ABCG1: variants seen among roughly 807,000 people sequenced by gnomAD.
ABCG1 encodes the protein ATP binding cassette subfamily G member 1.
ABCG1 carries 29 observed loss-of-function variants against 69.2 expected under a neutral mutation model. That is an observed-to-expected ratio of 0.42 (90% CI 0.31 to 0.57). The LOEUF (loss-of-function observed/expected upper bound fraction) is 0.57, where lower values mean the gene tolerates loss of function less well. Ranked by LOEUF, ABCG1 falls within the 20% of genes least tolerant of loss-of-function variation. ABCG1 has a pLI of 0.15. For missense variants in ABCG1, 718 were observed against 898.1 expected, an observed-to-expected ratio of 0.80 and a Z score of 2.56; for synonymous variants, 370 against 374.8, an observed-to-expected ratio of 0.99 and a Z score of 0.15.
chr21:42,291,095 C>A lies in ABCG1; in HGVS notation c.1397C>A (p.Pro466His), dbSNP rs147988618. 1.2e-6 allele frequency: 2 copies of A among 1,612,472 alleles called. No individual in the cohort carries two copies. Among genetic ancestry groups the A allele is most frequent in the Non-Finnish European group, 1.7e-6 (2 of 1,178,668 alleles). ...AALMPTVLTFPLEMGVFLREH... is the reference protein window; with the variant it reads ...AALMPTVLTFHLEMGVFLREH... Reference sequence around the variant, plus strand: ...TTTTTGCTTTTCTATCTCCTAGTTCCCCTGGAGATGGGAGTCTTTCTTCGG... The same window carrying A: ...TTTTTGCTTTTCTATCTCCTAGTTCACCTGGAGATGGGAGTCTTTCTTCGG... The change falls in exon 12 of 15, where the codon CCC becomes CAC. Residue 466 changes from proline (P) to histidine (H), a missense_variant. Pro to His is a moderately conservative substitution (Grantham distance 77). This residue lies in a region of ABCG1 where 204 missense variants were observed against 323.8 expected (regional missense o/e 0.63). Coordinates refer to ENST00000398449, the MANE Select transcript of ABCG1 (RefSeq NM_016818.3). This position sits in a 1 kb window ranked among gnomAD's most constrained non-coding sequence, Gnocchi z 6.4.
At chr21:42,256,028 A>G (rs1206274935) in intron 2 of ABCG1, 35 of 633,160 alleles carry the variant, frequency 5.5e-5, no homozygotes, top group Non-Finnish European at 4.3e-5. Context: ...AGTAGCAGCC[A>G]TTAGGGGGAG....
chr21:42,277,968 T>C (rs143220468), intron 5 of ABCG1, among the ~76,000 whole-genome samples: 180 of 152,330 alleles, frequency 1.2e-3, no homozygotes, highest in African/African-American at 4.2e-3. Context: ...CCCCATCAAC[T>C]GTGCCCTTCA....
chr21:42,235,483 C>T (rs1439283143), intron 2 of ABCG1, among the ~76,000 whole-genome samples: 1 of 152,184 alleles, frequency 6.6e-6, no homozygotes, highest in Non-Finnish European at 1.5e-5. Context: ...CAGGAGAACA[C>T]GTGCCCAAAG....
intron 2 of ABCG1, among the ~76,000 whole-genome samples, chr21:42,237,660 C>A (rs2067996838): frequency 1.3e-5 from 2 of 152,224 alleles, no homozygotes; most frequent in Admixed American, 6.5e-5. Flanking sequence ...AGAGCCTATA[C>A]TTTTACCCTC....
chr21:42,219,844 A>G lies in ABCG1; in HGVS notation c.42+540A>G, dbSNP rs2067692921. On this transcript the variant is annotated intron_variant, in intron 1 of 14. Coordinates refer to ENST00000398449, the MANE Select transcript of ABCG1 (RefSeq NM_016818.3). This position sits in a 1 kb window ranked among gnomAD's most constrained non-coding sequence, Gnocchi z 5.3. The stretch of plus-strand genomic sequence containing the variant: ...GGAGCCTGCGACTGCACTCCCGGGG[A>G]CACCCTCTCCCGGACCCACTCGGGG... 2.0e-6 allele frequency: 3 copies of G among 1,501,438 alleles called. No individual in the cohort carries two copies. Among genetic ancestry groups the G allele is most frequent in the Non-Finnish European group, 2.7e-6 (3 of 1,126,886 alleles). 93.0% of individuals were successfully genotyped at this position (1,501,438 alleles called of 1,614,324 possible).
chr21:42,280,291 A>G (rs1280571992), intron 5 of ABCG1, among the ~76,000 whole-genome samples: 1 of 152,218 alleles, frequency 6.6e-6, no homozygotes, highest in Admixed American at 6.5e-5. Flanking sequence ...GTCTCATGGA[A>G]ACACAATGGG....
chr21:42,228,764 G>A (rs1298775400), intron 2 of ABCG1, among the ~76,000 whole-genome samples: 3 of 152,200 alleles, frequency 2.0e-5, no homozygotes, highest in Admixed American at 6.5e-5. Flanking sequence ...AGTTGCCACT[G>A]CTGAAGAGTT....
intron 13 of ABCG1, among the ~76,000 whole-genome samples, chr21:42,293,256 A>C (rs2069120294): frequency 8.3e-6 from 1 of 120,298 alleles, no homozygotes; most frequent in African/African-American, 5.3e-5. Context: ...CACACTACAC[A>C]CCATACACTA....
chr21:42,289,723 C>T (rs962009602), intron 10 of ABCG1, among the ~76,000 whole-genome samples: 1 of 152,182 alleles, frequency 6.6e-6, no homozygotes, highest in African/African-American at 2.4e-5. Context: ...TTTTACCTTT[C>T]CTCTCTTCTG....
chr21:42,290,794 A>G (rs1334266878), intron 11 of ABCG1, among the ~76,000 whole-genome samples: 1 of 152,198 alleles, frequency 6.6e-6, no homozygotes, highest in African/African-American at 2.4e-5. Context: ...GAGTTTCAGA[A>G]GAGGCAGACT....
intron 2 of ABCG1, among the ~76,000 whole-genome samples, chr21:42,252,163 C>T (rs1016239645): frequency 1.8e-4 from 27 of 152,182 alleles, no homozygotes; most frequent in African/African-American, 5.8e-4. Flanking sequence ...GAGCTGTTGG[C>T]TGTCATTCTT....
intron 13 of ABCG1, among the ~76,000 whole-genome samples, chr21:42,294,114 G>T (rs1339750314): frequency 2.6e-5 from 4 of 152,178 alleles, no homozygotes; most frequent in Non-Finnish European, 4.4e-5. Flanking sequence ...TGACAGGCAG[G>T]CGTCCATCCC....
At chr21:42,232,957 C>T (rs2067922113) in intron 2 of ABCG1, among the ~76,000 whole-genome samples, 2 of 152,136 alleles carry the variant, frequency 1.3e-5, no homozygotes, top group Admixed American at 6.5e-5. Context: ...AGGACTAAAC[C>T]GTAAAACTAG....
At chr21:42,275,263 C>G (rs542252905) in intron 4 of ABCG1, among the ~76,000 whole-genome samples, 2 of 152,188 alleles carry the variant, frequency 1.3e-5, no homozygotes, top group African/African-American at 4.8e-5. Context: ...TGTTCCCATT[C>G]GTGTTCCCTG....
intron 2 of ABCG1, among the ~76,000 whole-genome samples, chr21:42,269,723 C>T (rs2068581340): frequency 6.6e-6 from 1 of 152,206 alleles, no homozygotes; most frequent in Non-Finnish European, 1.5e-5. Flanking sequence ...GGCAGGTTGG[C>T]ATTTTCCGGT....
chr21:42,213,953 G>A (rs958656629), upstream of ABCG1, among the ~76,000 whole-genome samples: 1 of 152,316 alleles, frequency 6.6e-6, no homozygotes. Context: ...TTTAAATTAT[G>A]TGTAGCTGGG....
intron 2 of ABCG1, among the ~76,000 whole-genome samples, chr21:42,247,547 G>C (rs1232957394): frequency 1.3e-5 from 2 of 152,196 alleles, no homozygotes; most frequent in Non-Finnish European, 2.9e-5. Flanking sequence ...GGAAGCATTT[G>C]GGTGGAGATC....
chr21:42,246,471 T>A (rs1351760532), intron 2 of ABCG1, among the ~76,000 whole-genome samples: 1 of 152,238 alleles, frequency 6.6e-6, no homozygotes, highest in African/African-American at 2.4e-5. Flanking sequence ...AGAAAGAGAT[T>A]CTCAGTTCCA....
In ABCG1 at chr21:42,287,859, C is replaced by T. The variant is rs763391852; in HGVS notation, c.974-30C>T. 5.2e-6 allele frequency: 8 copies of T among 1,529,064 alleles called. No homozygotes were observed. Among genetic ancestry groups the T allele is most frequent in the Non-Finnish European group, 7.0e-6 (8 of 1,136,494 alleles). 94.7% of individuals were successfully genotyped at this position (1,529,064 alleles called of 1,614,324 possible). A position where few individuals can be genotyped will look rare whatever the true frequency, so the allele number is the denominator to read the frequency against. Reference sequence around the variant, plus strand: ...TGGTTGGGGTGTCCTTCCTGGAGCCCGGGCTGACCCCCGTCTGTGTCTCCT... The same window carrying T: ...TGGTTGGGGTGTCCTTCCTGGAGCCTGGGCTGACCCCCGTCTGTGTCTCCT... On this transcript the variant is annotated intron_variant, in intron 8 of 14. Coordinates refer to ENST00000398449, the MANE Select transcript of ABCG1 (RefSeq NM_016818.3). The surrounding 1 kb of genome is among the most constrained non-coding windows in gnomAD (Gnocchi z 6.2).
Sources: gnomAD v4.1 joint callset for allele counts (sites outside exome capture counted in the v4.1 genomes callset) on GRCh38, gnomAD v4.1.1 for gene constraint, gnomAD v4.1.1 regional missense constraint, Gnocchi (gnomAD v3.1) non-coding constraint, MANE v1.5 for transcripts, NCBI Gene and HGNC (gene_info 2026-07-23, HGNC 2026-07-21) for gene names.